The following RBMS2 variants were observed in gnomAD, a reference collection of about 807,000 sequenced individuals.
The protein encoded by RBMS2 is RNA binding motif single stranded interacting protein 2, also known as RNA-binding motif, single-stranded-interacting protein 2.
Under a neutral mutation model 58.4 loss-of-function variants are expected in RBMS2, and 38 were observed. The observed-to-expected ratio is 0.65, with a 90% CI of 0.50 to 0.85. RBMS2 has a LOEUF of 0.85. Ranked by LOEUF, RBMS2 falls within the 40% of genes least tolerant of loss-of-function variation. The pLI is 0.00. For synonymous variants in RBMS2, 151 were observed against 180.7 expected (o/e 0.84, Z 1.32); for missense variants, 367 against 503.7 (o/e 0.73, Z 2.60).
At chr12:56,541,751 A>G (rs1876131555) in intron 1 of RBMS2, among the ~76,000 whole-genome samples, 1 of 152,198 alleles carries the variant, frequency 6.6e-6, no homozygotes, top group Non-Finnish European at 1.5e-5. Context: ...AAATTTGACC[A>G]GTTCAGAGTA....
At chr12:56,559,495 A>T (rs1326618291) in intron 1 of RBMS2, among the ~76,000 whole-genome samples, 1 of 149,836 alleles carries the variant, frequency 6.7e-6, no homozygotes, top group Non-Finnish European at 1.5e-5. Context: ...CAAGAAGGAC[A>T]TATCTTATTT....
chr12:56,535,388 G>T (rs760482236), intron 1 of RBMS2, among the ~76,000 whole-genome samples: 3 of 151,726 alleles, frequency 2.0e-5, no homozygotes, highest in African/African-American at 4.8e-5. Flanking sequence ...CCAGCTACTC[G>T]GGAGGCTGAG....
At position 56,562,524 on chromosome 12, in the gene RBMS2, A is replaced by G; in HGVS notation, c.174A>G (p.Leu58=). The G allele has an allele frequency of 4.3e-6, 7 of 1,612,226 alleles. No individual in the cohort carries two copies. Among genetic ancestry groups the G allele is most frequent in the Non-Finnish European group, 5.9e-6 (7 of 1,178,236 alleles). The change falls in exon 2 of 14, where the codon CTA becomes CTG. Residue 58 remains leucine (L), a synonymous_variant. Coordinates refer to ENST00000262031, the MANE Select transcript of RBMS2 (RefSeq NM_002898.4). ...NGNDQLSKTN[L]YIRGLQPGTT... is the part of the protein sequence containing the mutation. ...ATGACCAGCTGAGCAAAACCAACCT[A>G]TACATCCGAGGATTGCAACCAGGCA...
chr12:56,554,670 C>T (rs557915407), intron 1 of RBMS2, among the ~76,000 whole-genome samples: 1 of 152,250 alleles, frequency 6.6e-6, no homozygotes, highest in African/African-American at 2.4e-5. Flanking sequence ...ATAGGTGCAG[C>T]AAACCACCAT....
At chr12:56,562,849 G>C (rs1331437292) in intron 2 of RBMS2, among the ~76,000 whole-genome samples, 1 of 152,190 alleles carries the variant, frequency 6.6e-6, no homozygotes, top group Admixed American at 6.5e-5. Context: ...CTGGCCGGGT[G>C]CGGTGGCTCA....
chr12:56,538,764 G>A (rs868431823), intron 1 of RBMS2, among the ~76,000 whole-genome samples: 13 of 152,220 alleles, frequency 8.5e-5, no homozygotes, highest in African/African-American at 2.6e-4. Flanking sequence ...ACAGGCGTGA[G>A]CCACCGCACC....
At position 56,594,897 on chromosome 12, in the gene RBMS2, G is replaced by A. The variant is rs1290252244; in HGVS notation, c.*5764G>A. 3.9e-5 allele frequency: 6 copies of A among 152,176 alleles called. No individual in the cohort carries two copies. Among genetic ancestry groups the A allele is most frequent in the Non-Finnish European group, 8.8e-5 (6 of 68,044 alleles). The allele number at this position is 152,176 out of a possible 1,614,324, so 9.4% of individuals were successfully genotyped here. On this transcript the variant is annotated 3_prime_UTR_variant, in exon 14 of 14. Transcript: ENST00000262031. The stretch of plus-strand genomic sequence containing the variant: ...GATTTCTTTACTGTCCTTCTCTGAG[G>A]GTTGGGAAGGTGGGGGCTAGAAAAG...
intron 10 of RBMS2, among the ~76,000 whole-genome samples, chr12:56,587,234 T>G (rs889398695): frequency 5.3e-5 from 8 of 150,274 alleles, no homozygotes; most frequent in African/African-American, 2.0e-4. Flanking sequence ...GCCATTGCAC[T>G]CCAGTCTGGG....
chr12:56,557,864 G>A (rs1248088789), intron 1 of RBMS2, among the ~76,000 whole-genome samples: 1 of 148,118 alleles, frequency 6.8e-6, no homozygotes, highest in Non-Finnish European at 1.5e-5. Context: ...TCAGCCTCCT[G>A]AGTAACTGGG....
At chr12:56,556,437 G>A (rs556216041) in intron 1 of RBMS2, among the ~76,000 whole-genome samples, 1 of 149,660 alleles carries the variant, frequency 6.7e-6, no homozygotes, top group African/African-American at 2.5e-5. Flanking sequence ...GTGCAGTGGC[G>A]CGATCTGGGC....
At position 56,573,385 on chromosome 12, in the gene RBMS2, G is replaced by T. The variant is rs1487174227; in HGVS notation, c.542+1530G>T. ...CCAGCTACTCGGGAGGCTGAGGCAG[G>T]AGAATCACTTGAACCCGGGAGGCGG... On this transcript the variant is annotated intron_variant, in intron 5 of 13. Transcript: ENST00000262031. 4.7e-5 allele frequency among the ~76,000 whole-genome samples: 7 copies of T among 149,162 alleles called. 1 individual carries two copies. The South Asian group carries it at 1.5e-3, about 31-fold the overall frequency.
At chr12:56,567,579 G>T (rs746814395) in intron 2 of RBMS2, among the ~76,000 whole-genome samples, 3 of 152,170 alleles carry the variant, frequency 2.0e-5, no homozygotes, top group Non-Finnish European at 2.9e-5. Flanking sequence ...GCTCTCAGCT[G>T]TAATCCTAGC....
intron 1 of RBMS2, among the ~76,000 whole-genome samples, chr12:56,526,900 T>A (rs1872747526): frequency 6.6e-6 from 1 of 152,168 alleles, no homozygotes; most frequent in Admixed American, 6.6e-5. Flanking sequence ...CAACAACCAT[T>A]TCCTTTGGAA....
chr12:56,588,208 T>TG (rs1219148970), intron 11 of RBMS2, 86 bp from the exon 12 acceptor site: 3 of 1,012,426 alleles, frequency 3.0e-6, no homozygotes, highest in Admixed American at 3.6e-5. Flanking sequence ...AGAATACAGG[T>TG]GTCAGTATTT....
At chr12:56,568,782 G>A (rs1159412142) in intron 2 of RBMS2, among the ~76,000 whole-genome samples, 193 bp from the exon 3 acceptor site, 6 of 151,908 alleles carry the variant, frequency 3.9e-5, no homozygotes, top group African/African-American at 9.7e-5. Flanking sequence ...CTCCAGCCTC[G>A]GCCTCCCAAA....
intron 2 of RBMS2, among the ~76,000 whole-genome samples, chr12:56,565,592 A>C (rs931604137): frequency 3.9e-5 from 6 of 152,154 alleles, no homozygotes; most frequent in African/African-American, 1.4e-4. Flanking sequence ...GGGACTGTGG[A>C]GAGGCAGGAG....
chr12:56,530,879 A>G (rs780773464), intron 1 of RBMS2, among the ~76,000 whole-genome samples: 5 of 151,916 alleles, frequency 3.3e-5, no homozygotes, highest in African/African-American at 1.2e-4. Flanking sequence ...CACTCATATT[A>G]CTTAGGTTTA....
In RBMS2 at chr12:56,586,825, C is replaced by A. The variant is rs564800969; in HGVS notation, c.874-24C>A. 849 of 1,587,616 alleles carry A rather than the reference C, an allele frequency of 5.3e-4. 16 individuals are homozygous for A. The South Asian group carries it at 8.9e-3, about 17-fold the overall frequency. On this transcript the variant is annotated intron_variant, in intron 9 of 13. Coordinates refer to ENST00000262031, the MANE Select transcript of RBMS2 (RefSeq NM_002898.4). ...TGAATAATAGTTTCCAGGCAATTAA[C>A]ATTTTTGTTTTTGCTTGTTTTAGAG...
intron 2 of RBMS2, among the ~76,000 whole-genome samples, chr12:56,565,037 A>C (rs979283886): frequency 1.3e-5 from 2 of 152,140 alleles, no homozygotes; most frequent in Non-Finnish European, 2.9e-5. Flanking sequence ...AAATAAAATA[A>C]AATGGTGTAG....
Sources: gnomAD v4.1 joint callset for allele counts (sites outside exome capture counted in the v4.1 genomes callset) on GRCh38, gnomAD v4.1.1 for gene constraint, MANE v1.5 for transcripts, NCBI Gene and HGNC (gene_info 2026-07-23, HGNC 2026-07-21) for gene names.